Variants in NTM observed in about 807,000 individuals in gnomAD.
The protein encoded by NTM is neurotrimin, also known as IgLON family member 2.
A neutral mutation model predicts 42.1 loss-of-function variants in NTM; 13 were observed. The ratio of observed to expected loss-of-function variants is 0.31; its 90% CI spans 0.20 to 0.49. NTM has a LOEUF of 0.49. Among genes scored for constraint, NTM ranks in the 20% least tolerant of loss-of-function variants. The pLI is 0.99. For missense variants in NTM, 373 were observed against 452.8 expected (o/e 0.82, Z 1.60); for synonymous variants, 187 against 179.2 (o/e 1.04, Z -0.35).
At chr11:131,657,041 C>A (rs548655097) in intron 1 of NTM, among the ~76,000 whole-genome samples, 1 of 150,736 alleles carries the variant, frequency 6.6e-6, no homozygotes, top group African/African-American at 2.4e-5. Flanking sequence ...GCATTGTTAG[C>A]GGGGAGGAAG....
At chr11:131,472,836 CCTGT>C (rs1344699386) in intron 1 of NTM, among the ~76,000 whole-genome samples, 2 of 152,086 alleles carry the variant, frequency 1.3e-5, no homozygotes, top group African/African-American at 4.8e-5. Flanking sequence ...CAGCCTCATG[CCTGT>C]CTGACTCCGA....
At chr11:131,557,819 G>A (rs927140539) in intron 1 of NTM, among the ~76,000 whole-genome samples, 3 of 152,104 alleles carry the variant, frequency 2.0e-5, no homozygotes, top group Admixed American at 6.5e-5. Context: ...GAGAAAATGG[G>A]CAATGTCAGC....
At chr11:131,791,023 T>C (rs553756625) in intron 1 of NTM, among the ~76,000 whole-genome samples, 11 of 152,346 alleles carry the variant, frequency 7.2e-5, no homozygotes, top group African/African-American at 2.2e-4. Context: ...GAAGTCACCC[T>C]GTGTTATGGG....
intron 1 of NTM, among the ~76,000 whole-genome samples, chr11:131,408,960 C>T (rs1419274456): frequency 6.6e-6 from 1 of 152,194 alleles, no homozygotes; most frequent in Non-Finnish European, 1.5e-5. Flanking sequence ...TTTGGAGAAA[C>T]AGAAATCAGG....
intron 1 of NTM, among the ~76,000 whole-genome samples, chr11:131,665,134 C>T (rs2068814304): frequency 1.3e-5 from 2 of 152,180 alleles, no homozygotes; most frequent in Non-Finnish European, 2.9e-5. Context: ...GATCTCCTCT[C>T]AAGGCTGACA....
intron 1 of NTM, among the ~76,000 whole-genome samples, chr11:131,596,919 A>G (rs777184239): frequency 5.9e-5 from 9 of 152,198 alleles, no homozygotes; most frequent in Non-Finnish European, 8.8e-5. Context: ...AAGCTCCAAA[A>G]CTGAAGAACT....
intron 1 of NTM, among the ~76,000 whole-genome samples, chr11:131,504,355 T>G (rs950123690): frequency 4.6e-5 from 7 of 152,124 alleles, no homozygotes; most frequent in Non-Finnish European, 1.0e-4. Context: ...CCCTCAAATT[T>G]GGTGGCTCTC....
chr11:132,302,180 C>T (rs2094890700), intron 4 of NTM, among the ~76,000 whole-genome samples: 1 of 152,162 alleles, frequency 6.6e-6, no homozygotes, highest in Admixed American at 6.5e-5. Flanking sequence ...CATTTCCCTG[C>T]TTCGGTTGTC....
At chr11:132,157,496 G>T (rs140612314) in intron 3 of NTM, among the ~76,000 whole-genome samples, 1 of 152,086 alleles carries the variant, frequency 6.6e-6, no homozygotes, top group Admixed American at 6.5e-5. Flanking sequence ...GGGGCCCTAG[G>T]GTATGGAAGC....
At chr11:132,108,572 A>C (rs985036855) in intron 2 of NTM, among the ~76,000 whole-genome samples, 2 of 152,172 alleles carry the variant, frequency 1.3e-5, no homozygotes, top group Non-Finnish European at 2.9e-5. Flanking sequence ...TACACATTGC[A>C]TGCAGTGTAC....
chr11:131,709,133 T>C (rs971447924), intron 1 of NTM, among the ~76,000 whole-genome samples: 2 of 152,182 alleles, frequency 1.3e-5, no homozygotes, highest in South Asian at 4.2e-4. Flanking sequence ...ATGTGGCTGG[T>C]ACAGAGTGAG....
chr11:131,593,314 A>G (rs879266986), intron 1 of NTM, among the ~76,000 whole-genome samples: 3 of 152,132 alleles, frequency 2.0e-5, no homozygotes, highest in Admixed American at 6.5e-5. Flanking sequence ...CTTCCCTGCT[A>G]CAGTTGTCTT....
At chr11:131,651,134 G>C (rs2066426763) in intron 1 of NTM, among the ~76,000 whole-genome samples, 1 of 152,052 alleles carries the variant, frequency 6.6e-6, no homozygotes, top group Non-Finnish European at 1.5e-5. Context: ...TTTTAAGTTT[G>C]CTTCATAAAA....
intron 3 of NTM, among the ~76,000 whole-genome samples, chr11:132,178,020 T>G (rs2077058914): frequency 6.6e-6 from 1 of 152,224 alleles, no homozygotes; most frequent in African/African-American, 2.4e-5. Flanking sequence ...ATGGAGTAAT[T>G]CAGGAGTTTT....
chr11:131,614,797 T>C (rs1354504413), intron 1 of NTM, among the ~76,000 whole-genome samples: 7 of 152,234 alleles, frequency 4.6e-5, no homozygotes, highest in South Asian at 2.1e-4. Flanking sequence ...GACTATGAAA[T>C]TGGAAAACAT....
chr11:131,954,714 C>T (rs1455434927), intron 2 of NTM, among the ~76,000 whole-genome samples: 2 of 151,994 alleles, frequency 1.3e-5, no homozygotes, highest in African/African-American at 4.8e-5. Context: ...CAATTAAAAC[C>T]ACCTGTAATT....
At chr11:131,885,525 C>T (rs1212086550) in intron 1 of NTM, among the ~76,000 whole-genome samples, 1 of 152,142 alleles carries the variant, frequency 6.6e-6, no homozygotes, top group African/African-American at 2.4e-5. Context: ...TAATAGCATC[C>T]CACGCTCTTC....
intron 1 of NTM, among the ~76,000 whole-genome samples, chr11:131,734,725 G>A (rs992505445): frequency 6.6e-6 from 1 of 152,104 alleles, no homozygotes; most frequent in Non-Finnish European, 1.5e-5. Flanking sequence ...TTGCCACTAT[G>A]AACATCATTA....
chr11:131,696,282 G>A (rs961813342), intron 1 of NTM, among the ~76,000 whole-genome samples: 12 of 152,148 alleles, frequency 7.9e-5, no homozygotes, highest in Admixed American at 5.9e-4. Flanking sequence ...AGGAAGGAGA[G>A]TTGAGTGCAA....
Sources: allele counts gnomAD v4.1 joint callset (sites outside exome capture counted in the v4.1 genomes callset), GRCh38; gene constraint gnomAD v4.1.1; transcripts MANE v1.5; gene names NCBI Gene and HGNC (gene_info 2026-07-23, HGNC 2026-07-21).